The following ELP1 variants were observed in gnomAD, a reference collection of about 807,000 sequenced individuals.
ELP1 encodes elongator acetyltransferase complex subunit 1, also known as elongator complex protein 1.
Under a neutral mutation model 183.2 loss-of-function variants are expected in ELP1, and 131 were observed. The observed-to-expected ratio is 0.72, with a 90% CI of 0.62 to 0.83. The LOEUF (loss-of-function observed/expected upper bound fraction) is 0.83, where lower values mean the gene tolerates loss of function less well. Ranked by LOEUF, ELP1 falls within the 40% of genes least tolerant of loss-of-function variation. ELP1 has a pLI of 0.00. For synonymous variants in ELP1, 555 were observed against 569.0 expected (o/e 0.98, Z 0.35); for missense variants, 1,550 against 1,594.9 (o/e 0.97, Z 0.48).
intron 14 of ELP1, among the ~76,000 whole-genome samples, chr9:108,904,142 T>C (rs1828928805): frequency 6.6e-6 from 1 of 152,182 alleles, no homozygotes. Context: ...CACTATCATA[T>C]CGATTGATGG....
At chr9:108,909,173 T>C (rs1829120873) in intron 12 of ELP1, among the ~76,000 whole-genome samples, 1 of 152,070 alleles carries the variant, frequency 6.6e-6, no homozygotes, top group Non-Finnish European at 1.5e-5. Context: ...ACCTTCCCCC[T>C]GTAAACCCTT....
chr9:108,899,505 C>T (rs545022970), intron 20 of ELP1, among the ~76,000 whole-genome samples: 26 of 151,992 alleles, frequency 1.7e-4, no homozygotes, highest in Non-Finnish European at 3.1e-4. Flanking sequence ...AATAAATACA[C>T]AAAGACAAGG....
intron 13 of ELP1, 32 bp from the exon 14 acceptor site, chr9:108,906,517 T>C (rs143103960): frequency 1.9e-6 from 3 of 1,587,708 alleles, no homozygotes; most frequent in Admixed American, 1.7e-5. Context: ...ATCCAAGACA[T>C]GAATAAAACT....
intron 36 of ELP1, among the ~76,000 whole-genome samples, chr9:108,870,111 G>A (rs867545591): frequency 4.6e-5 from 7 of 152,234 alleles, no homozygotes; most frequent in African/African-American, 9.6e-5. Context: ...AAGTAGCTGG[G>A]ACTACAAGTG....
chr9:108,910,444 C>T (rs1266765578), intron 12 of ELP1, among the ~76,000 whole-genome samples: 1 of 152,182 alleles, frequency 6.6e-6, no homozygotes, highest in African/African-American at 2.4e-5. Flanking sequence ...GACATAACCA[C>T]AGAACTCACA....
Position 108,881,665 on chromosome 9 carries a change from T to A in ELP1, c.3346+40A>T, listed in dbSNP as rs536999923. On this transcript the variant is annotated intron_variant, in intron 31 of 36. Coordinates refer to ENST00000374647, the MANE Select transcript of ELP1 (RefSeq NM_003640.5). The stretch of plus-strand genomic sequence containing the variant: ...CTCTCTCATCTCTCTCTCCTCACCT[T>A]CTTCCAAATGAGGAATTCTATCTAA... 2.4e-6 allele frequency: 3 copies of A among 1,262,678 alleles called. No individual in the cohort carries two copies. In the Admixed American group the frequency reaches 5.0e-5, roughly 21 times the overall value. 78.2% of individuals were successfully genotyped at this position (1,262,678 alleles called of 1,614,324 possible). A position where few individuals can be genotyped will look rare whatever the true frequency, so the allele number is the denominator to read the frequency against.
intron 31 of ELP1, 136 bp from the exon 32 acceptor site, chr9:108,880,301 T>C: frequency 1.5e-6 from 1 of 685,728 alleles, no homozygotes; most frequent in South Asian, 1.6e-5. Flanking sequence ...CGAGCTCTTT[T>C]TCCTTAATAA....
Position 108,918,896 on chromosome 9 carries a change from G to C in ELP1, c.655C>G (p.Arg219Gly). The C allele has an allele frequency of 6.2e-7, 1 of 1,613,834 alleles. No homozygotes were observed. Among genetic ancestry groups the C allele is most frequent in the Non-Finnish European group, 8.5e-7 (1 of 1,179,754 alleles). Reference sequence around the variant, plus strand: ...TCTCGGTTCCACACTCTGACCTTCCGAGCCCCTGTGCGGGAGTGGAGTCAA... The same window carrying C: ...TCTCGGTTCCACACTCTGACCTTCCCAGCCCCTGTGCGGGAGTGGAGTCAA... ...VSVVCPETGA[R>G]KVRVWNREFA... Residue 219 changes from arginine (R) to glycine (G), a missense_variant, in exon 8 of 37, where the codon CGG becomes GGG. Coordinates refer to ENST00000374647, the MANE Select transcript of ELP1 (RefSeq NM_003640.5).
At chr9:108,899,435 G>A (rs1055971528) in intron 20 of ELP1, among the ~76,000 whole-genome samples, 4 of 152,128 alleles carry the variant, frequency 2.6e-5, no homozygotes, top group Admixed American at 2.6e-4. Flanking sequence ...GAGTAGCTCA[G>A]GCTTTTCTGG....
chr9:108,926,077 T>C (rs1829815931), intron 5 of ELP1, among the ~76,000 whole-genome samples: 1 of 152,216 alleles, frequency 6.6e-6, no homozygotes, highest in Admixed American at 6.5e-5. Context: ...TGCCCTTCAA[T>C]ACCCCCACAG....
At chr9:108,881,562 T>G in intron 31 of ELP1, 143 bp downstream of exon 31, 1 of 645,308 alleles carries the variant, frequency 1.5e-6, no homozygotes, top group Non-Finnish European at 2.8e-6. Context: ...TAGTGAGAAT[T>G]AAATATTATA....
intron 10 of ELP1, among the ~76,000 whole-genome samples, chr9:108,914,625 C>CT (rs1394301357): frequency 1.3e-5 from 2 of 151,794 alleles, no homozygotes; most frequent in African/African-American, 2.4e-5. Context: ...CACACCTACA[C>CT]TTTTTTTTGT....
At chr9:108,878,543 A>C (rs1587871321) in intron 34 of ELP1, 80 bp downstream of exon 34, 2 of 1,571,252 alleles carry the variant, frequency 1.3e-6, no homozygotes, top group Non-Finnish European at 1.7e-6. Context: ...TAGCTTAATC[A>C]CCTACTGAAC....
intron 11 of ELP1, among the ~76,000 whole-genome samples, 156 bp downstream of exon 11, chr9:108,912,108 C>T (rs1181213644): frequency 6.6e-6 from 1 of 152,152 alleles, no homozygotes. Flanking sequence ...CAGGAGAGAA[C>T]ATACCCCACC....
rs567282094 is a variant in ELP1, at chr9:108,868,972, G to A, written c.*143C>T. On this transcript the variant is annotated 3_prime_UTR_variant, in exon 37 of 37. Transcript: ENST00000374647. ...TAAATAGAATTGCTTGTTGTCTGCT[G>A]AAGTTCTTGGCAATGCTAAGGTAAG... 9.4e-6 allele frequency: 7 copies of A among 747,294 alleles called. No individual in the cohort carries two copies. The highest frequency in any genetic ancestry group is 1.5e-5 in the Non-Finnish European group (6 of 407,580). The allele number at this position is 747,294 out of a possible 1,614,324, so 46.3% of individuals were successfully genotyped here.
intron 6 of ELP1, 43 bp downstream of exon 6, chr9:108,922,799 A>G (rs1306607940): frequency 1.4e-6 from 2 of 1,446,870 alleles, no homozygotes; most frequent in Non-Finnish European, 1.9e-6. Context: ...GCAAACTTAC[A>G]TTTGTTCCAG....
Position 108,882,122 on chromosome 9 carries a change from T to C in ELP1, c.3285+3A>G, listed in dbSNP as rs776846807. On this transcript the variant is annotated splice_donor_region_variant and intron_variant, in intron 30 of 36. Transcript: ENST00000374647. ...ACATCCAGAGGATTTACAAGATTCT[T>C]ACCAGCCTCAAAGCTTCTTCCCAGG... The C allele has an allele frequency of 5.0e-6, 8 of 1,613,098 alleles. No individual in the cohort carries two copies. Among genetic ancestry groups the C allele is most frequent in the Non-Finnish European group, 5.9e-6 (7 of 1,179,408 alleles).
Position 108,926,620 on chromosome 9 carries a change from C to A in ELP1, c.386-17G>T. 2 of 1,603,386 alleles carry A rather than the reference C, an allele frequency of 1.2e-6. No individual in the cohort carries two copies. Among genetic ancestry groups the A allele is most frequent in the Non-Finnish European group, 1.7e-6 (2 of 1,173,610 alleles). Reference sequence around the variant, plus strand: ...TCTGTTGACCTTAGAGAAACACAAACAAAAATGATTTTGTTTTCATGTAAC... The same window carrying A: ...TCTGTTGACCTTAGAGAAACACAAAAAAAAATGATTTTGTTTTCATGTAAC... On this transcript the variant is annotated splice_polypyrimidine_tract_variant and intron_variant, in intron 4 of 36. Transcript: ENST00000374647.
At chr9:108,882,028 T>A in intron 30 of ELP1, 97 bp downstream of exon 30, 1 of 1,005,498 alleles carries the variant, frequency 9.9e-7, no homozygotes, top group Non-Finnish European at 1.6e-6. Context: ...ACTTATTTCA[T>A]GAACCTCAGA....
Sources: gnomAD v4.1 joint callset for allele counts (sites outside exome capture counted in the v4.1 genomes callset) on GRCh38, gnomAD v4.1.1 for gene constraint, MANE v1.5 for transcripts, NCBI Gene and HGNC (gene_info 2026-07-23, HGNC 2026-07-21) for gene names.